The following PCGF5 variants were observed in gnomAD, a reference collection of about 807,000 sequenced individuals.
The protein encoded by PCGF5 is polycomb group RING finger protein 5.
In PCGF5, 9 loss-of-function variants were observed where a neutral mutation model predicts 44.3. The observed-to-expected ratio is 0.20, with a 90% CI of 0.12 to 0.35. PCGF5 has a LOEUF of 0.35. Among genes scored for constraint, PCGF5 ranks in the 10% least tolerant of loss-of-function variants. The pLI is 1.00. For synonymous variants in PCGF5, 95 were observed against 102.5 expected, an observed-to-expected ratio of 0.93 and a Z score of 0.44; for missense variants, 146 against 305.3, an observed-to-expected ratio of 0.48 and a Z score of 3.89.
At chr10:91,172,672 G>T (rs1380421606) in intron 1 of PCGF5, among the ~76,000 whole-genome samples, 1 of 152,216 alleles carries the variant, frequency 6.6e-6, no homozygotes, top group Non-Finnish European at 1.5e-5. Flanking sequence ...AGGTTATTGA[G>T]TACTCATAAC....
chr10:91,272,643 C>A (rs186342263), intron 9 of PCGF5, among the ~76,000 whole-genome samples: 26 of 152,038 alleles, frequency 1.7e-4, no homozygotes, highest in Non-Finnish European at 3.4e-4. Flanking sequence ...TGTGGTGGCA[C>A]ACCCCTGTAG....
upstream of PCGF5, among the ~76,000 whole-genome samples, chr10:91,219,196 CAT>C (rs1029967407): frequency 1.2e-4 from 19 of 152,210 alleles, no homozygotes; most frequent in African/African-American, 4.6e-4. Flanking sequence ...TGCTGTATCA[CAT>C]GTTTGTGACC....
chr10:91,238,601 C>CTTTCTTTTTT (rs1564644969), intron 2 of PCGF5, among the ~76,000 whole-genome samples: 1 of 58,440 alleles, frequency 1.7e-5, no homozygotes, highest in Non-Finnish European at 3.1e-5. Flanking sequence ...TTCTTTCTTT[C>CTTTCTTTTTT]TTTTTTTTTT....
At chr10:91,240,625 A>T (rs1845298481) in intron 3 of PCGF5, 45 bp downstream of exon 3, 2 of 1,259,986 alleles carry the variant, frequency 1.6e-6, no homozygotes, top group Non-Finnish European at 2.3e-6. Context: ...ACATAAATTG[A>T]ATAGGCTCTT....
chr10:91,163,315 A>T (rs969069651), intron 1 of PCGF5, among the ~76,000 whole-genome samples: 1 of 150,644 alleles, frequency 6.6e-6, no homozygotes, highest in South Asian at 2.1e-4. Flanking sequence ...GGCTGGAGGC[A>T]CGGCGGGGCC....
At chr10:91,251,582 A>G (rs938675256) in intron 6 of PCGF5, 142 bp downstream of exon 6, 1 of 836,946 alleles carries the variant, frequency 1.2e-6, no homozygotes. Context: ...ATTCTTTGAC[A>G]ATCCTATGCT....
chr10:91,223,985 C>T (rs1213837838), intron 2 of PCGF5, among the ~76,000 whole-genome samples: 3 of 151,904 alleles, frequency 2.0e-5, no homozygotes, highest in Non-Finnish European at 4.4e-5. Context: ...CGTTTTTCAG[C>T]TATTCTTGCT....
intron 2 of PCGF5, among the ~76,000 whole-genome samples, chr10:91,236,526 C>G (rs1454785775): frequency 3.3e-5 from 5 of 152,208 alleles, no homozygotes; most frequent in Non-Finnish European, 7.3e-5. Flanking sequence ...TATACATAGT[C>G]TTAACCTTAG....
chr10:91,246,265 T>C (rs1245174447), intron 3 of PCGF5, among the ~76,000 whole-genome samples: 2 of 152,206 alleles, frequency 1.3e-5, no homozygotes. Context: ...TTAAATAGTC[T>C]GGGAAAACTT....
At chr10:91,160,907 G>C (rs984293267), upstream of PCGF5, among the ~76,000 whole-genome samples, 1 of 152,204 alleles carries the variant, frequency 6.6e-6, no homozygotes. Context: ...CCAGTCATTT[G>C]CCGCTGGGCT....
chr10:91,245,305 G>C (rs1304253279), intron 3 of PCGF5, among the ~76,000 whole-genome samples: 1 of 152,110 alleles, frequency 6.6e-6, no homozygotes, highest in Non-Finnish European at 1.5e-5. Flanking sequence ...GAGAATTCAT[G>C]GTTGGATTTA....
chr10:91,238,097 G>A (rs992070127), intron 2 of PCGF5, among the ~76,000 whole-genome samples: 5 of 152,088 alleles, frequency 3.3e-5, no homozygotes, highest in African/African-American at 9.7e-5. Flanking sequence ...AAATTATTGA[G>A]ATTACCTGTT....
chr10:91,258,545 A>G (rs992163751), intron 6 of PCGF5, among the ~76,000 whole-genome samples: 1 of 152,140 alleles, frequency 6.6e-6, no homozygotes, highest in African/African-American at 2.4e-5. Flanking sequence ...CTACACCCTT[A>G]TATTCTTCTC....
chr10:91,160,339 C>A (rs1843361801), upstream of PCGF5, among the ~76,000 whole-genome samples: 1 of 152,140 alleles, frequency 6.6e-6, no homozygotes, highest in African/African-American at 2.4e-5. Context: ...TGCAGGGAAC[C>A]ACGTACAGGA....
At chr10:91,175,078 A>G (rs1195858231) in intron 1 of PCGF5, among the ~76,000 whole-genome samples, 1 of 152,222 alleles carries the variant, frequency 6.6e-6, no homozygotes, top group Non-Finnish European at 1.5e-5. Flanking sequence ...TTCTGGAATT[A>G]GAGGCTTTGG....
At chr10:91,180,026 TA>T (rs1459149345) in intron 1 of PCGF5, among the ~76,000 whole-genome samples, 43 of 152,334 alleles carry the variant, frequency 2.8e-4, no homozygotes, top group African/African-American at 9.9e-4. Flanking sequence ...TTTTACTTTT[TA>T]ATAATAGCCA....
intron 6 of PCGF5, 60 bp downstream of exon 6, chr10:91,251,500 T>G (rs1845623232): frequency 6.7e-7 from 1 of 1,494,208 alleles, no homozygotes; most frequent in Admixed American, 2.2e-5. Context: ...CTTGATAATT[T>G]GTTGACAAAT....
intron 1 of PCGF5, among the ~76,000 whole-genome samples, chr10:91,163,905 C>T (rs1199082540): frequency 6.6e-6 from 1 of 152,162 alleles, no homozygotes; most frequent in Non-Finnish European, 1.5e-5. Flanking sequence ...ACTCGGGCAG[C>T]GGCCGAAACG....
rs190004605 is a variant in PCGF5 at position 91,272,754 on chromosome 10, C to T, written c.723+1057C>T. 1.5e-4 allele frequency among the ~76,000 whole-genome samples: 23 copies of T among 152,228 alleles called. 1 individual carries two copies. The East Asian group carries it at 4.2e-3, about 28-fold the overall frequency. On this transcript the variant is annotated intron_variant, in intron 9 of 9. Transcript: ENST00000336126. ...TGCCACTGCATTCCAGCCTGGGTGA[C>T]AGAGCAAGACTCTGTTTCAGACAAA...
Sources: allele counts gnomAD v4.1 joint callset (sites outside exome capture counted in the v4.1 genomes callset), GRCh38; gene constraint gnomAD v4.1.1; transcripts MANE v1.5; gene names NCBI Gene and HGNC (gene_info 2026-07-23, HGNC 2026-07-21).